INPP5A: variants seen among roughly 807,000 people sequenced by gnomAD.
INPP5A encodes the protein inositol polyphosphate-5-phosphatase A.
A neutral mutation model predicts 65.2 loss-of-function variants in INPP5A; 14 were observed. The observed-to-expected ratio is 0.21, with a 90% CI of 0.14 to 0.34. The LOEUF (loss-of-function observed/expected upper bound fraction) is 0.34, where lower values mean the gene tolerates loss of function less well. Among genes scored for constraint, INPP5A ranks in the 10% least tolerant of loss-of-function variants. The pLI, the probability that INPP5A is intolerant of heterozygous loss-of-function variation, is 1.00. For missense variants in INPP5A, 431 were observed against 545.6 expected (o/e 0.79, Z 2.09); for synonymous variants, 207 against 208.3 (o/e 0.99, Z 0.05).
chr10:132,700,265 G>A (rs745936202), intron 6 of INPP5A, among the ~76,000 whole-genome samples: 3 of 152,246 alleles, frequency 2.0e-5, no homozygotes, highest in African/African-American at 7.2e-5. Flanking sequence ...GGAAAGCAGC[G>A]TGTCGCTGTC....
At chr10:132,777,409 A>G (rs932887195) in intron 12 of INPP5A, among the ~76,000 whole-genome samples, 11 of 152,290 alleles carry the variant, frequency 7.2e-5, no homozygotes, top group African/African-American at 2.7e-4. Flanking sequence ...AAAGCTCAAC[A>G]GACAATTTCA....
rs1449404152 is a variant in INPP5A at position 132,782,113 on chromosome 10, G to T, written c.*84G>T. Reference sequence around the variant, plus strand: ...GTGGACCGAATACGCACTCTTGAAAGCTGCATCGAGAACCCGCCCAAGCGC... The same window carrying T: ...GTGGACCGAATACGCACTCTTGAAATCTGCATCGAGAACCCGCCCAAGCGC... On this transcript the variant is annotated 3_prime_UTR_variant, in exon 16 of 16. Transcript: ENST00000368594. This position sits in a 1 kb window ranked among gnomAD's most constrained non-coding sequence, Gnocchi z 4.4. 3.9e-6 allele frequency: 6 copies of T among 1,534,260 alleles called. No homozygotes were observed. Among genetic ancestry groups the T allele is most frequent in the Non-Finnish European group, 5.3e-6 (6 of 1,136,520 alleles).
At chr10:132,688,771 AAT>A (rs1315589228) in intron 4 of INPP5A, among the ~76,000 whole-genome samples, 1 of 149,800 alleles carries the variant, frequency 6.7e-6, no homozygotes, top group Non-Finnish European at 1.5e-5. Context: ...TGAGTGCACG[AAT>A]GAGTTCGTGT....
At chr10:132,593,023 T>G (rs1009475852) in intron 1 of INPP5A, among the ~76,000 whole-genome samples, 1 of 152,188 alleles carries the variant, frequency 6.6e-6, no homozygotes, top group African/African-American at 2.4e-5. Flanking sequence ...TCCCTGTGGT[T>G]GTAGGACTCA....
At position 132,650,206 on chromosome 10, in the gene INPP5A, G is replaced by C. The variant is rs2072555675; in HGVS notation, c.219-212G>C. On this transcript the variant is annotated intron_variant, in intron 3 of 15. Coordinates refer to ENST00000368594, the MANE Select transcript of INPP5A (RefSeq NM_005539.5). The surrounding 1 kb of genome is among the most constrained non-coding windows in gnomAD (Gnocchi z 5.5). ...ACAGGCTGCGTGGAGACCAGAGCCT[G>C]TGGGAGCTTGAGCTCTGCACATGCT... Among the ~76,000 whole-genome samples, 1 of 152,220 alleles carries C rather than the reference G, an allele frequency of 6.6e-6. No individual in the cohort carries two copies. The highest frequency in any genetic ancestry group is 1.5e-5 in the Non-Finnish European group (1 of 68,034).
In INPP5A at chr10:132,650,393, C is replaced by G. The variant is rs758446755; in HGVS notation, c.219-25C>G. 5 of 1,576,580 alleles carry G rather than the reference C, an allele frequency of 3.2e-6. No homozygotes were observed. In the East Asian group the frequency reaches 1.1e-4, roughly 35 times the overall value. ...GCAAGGCGTCTGTGTGGCTTTTCCT[C>G]AGGAACCTACTTTCTTCCTTCCAGA... On this transcript the variant is annotated intron_variant, in intron 3 of 15. Coordinates refer to ENST00000368594, the MANE Select transcript of INPP5A (RefSeq NM_005539.5). The surrounding 1 kb of genome is among the most constrained non-coding windows in gnomAD (Gnocchi z 5.5).
chr10:132,594,129 C>T (rs911391400), intron 1 of INPP5A, among the ~76,000 whole-genome samples: 9 of 152,180 alleles, frequency 5.9e-5, no homozygotes, highest in East Asian at 1.9e-4. Flanking sequence ...TTTGCACATA[C>T]GCTGTCTTCA....
intron 4 of INPP5A, among the ~76,000 whole-genome samples, chr10:132,683,666 G>A (rs2073081987): frequency 6.6e-6 from 1 of 152,194 alleles, no homozygotes; most frequent in African/African-American, 2.4e-5. Flanking sequence ...TCAAATAATT[G>A]GAAGTAGTCT....
chr10:132,654,890 C>T (rs2072633105), intron 4 of INPP5A, among the ~76,000 whole-genome samples: 2 of 152,256 alleles, frequency 1.3e-5, no homozygotes, highest in Admixed American at 6.5e-5. Flanking sequence ...TGCCCATTGC[C>T]ACCAGGAGAT....
rs1247975793 is a variant in INPP5A at position 132,704,091 on chromosome 10, C to T, written c.475-4222C>T. ...TTCTGAAGGCTTGGCCTGATCTCTG[C>T]TGCAGCATCTGGTTCCCAAAGCATG... On this transcript the variant is annotated intron_variant, in intron 6 of 15. Coordinates refer to ENST00000368594, the MANE Select transcript of INPP5A (RefSeq NM_005539.5). This position sits in a 1 kb window ranked among gnomAD's most constrained non-coding sequence, Gnocchi z 4.5. 6.6e-6 allele frequency among the ~76,000 whole-genome samples: 1 copy of T among 151,796 alleles called. No homozygotes were observed. The highest frequency in any genetic ancestry group is 2.0e-4 in the East Asian group (1 of 5,126).
intron 8 of INPP5A, among the ~76,000 whole-genome samples, chr10:132,714,196 G>A (rs1845698958): frequency 6.6e-6 from 1 of 152,206 alleles, no homozygotes; most frequent in Non-Finnish European, 1.5e-5. Flanking sequence ...TTGGGCTTTT[G>A]GGCCACTTTT....
At chr10:132,645,065 C>T (rs1204825809) in intron 2 of INPP5A, among the ~76,000 whole-genome samples, 1 of 152,238 alleles carries the variant, frequency 6.6e-6, no homozygotes, top group Non-Finnish European at 1.5e-5. Flanking sequence ...CCAGGTCACA[C>T]AGGAAGCCGC....
chr10:132,638,318 G>A (rs540806969), intron 2 of INPP5A, among the ~76,000 whole-genome samples: 82 of 152,230 alleles, frequency 5.4e-4, no homozygotes, highest in Non-Finnish European at 2.9e-4. Context: ...ACCCACGCTC[G>A]GATGTGCTGG....
intron 9 of INPP5A, among the ~76,000 whole-genome samples, chr10:132,736,547 C>A (rs1057051300): frequency 4.6e-5 from 7 of 152,188 alleles, no homozygotes; most frequent in Non-Finnish European, 1.0e-4. Context: ...CCGGGCTTCC[C>A]AAAACACGGC....
chr10:132,642,167 G>A (rs1316706385), intron 2 of INPP5A, among the ~76,000 whole-genome samples: 3 of 151,844 alleles, frequency 2.0e-5, no homozygotes, highest in East Asian at 1.9e-4. Flanking sequence ...CCTGGAGCCC[G>A]TCTGCGGTCT....
intron 1 of INPP5A, among the ~76,000 whole-genome samples, chr10:132,561,327 T>C (rs920867551): frequency 1.3e-5 from 2 of 152,152 alleles, no homozygotes; most frequent in Non-Finnish European, 2.9e-5. Context: ...TAGATTTTTA[T>C]AGTTTTAGCT....
chr10:132,565,742 C>T (rs1185917575), intron 1 of INPP5A, among the ~76,000 whole-genome samples: 7 of 140,876 alleles, frequency 5.0e-5, no homozygotes, highest in African/African-American at 1.6e-4. Context: ...TGTGTGTGTG[C>T]GCCGTTGTGT....
chr10:132,563,453 A>G (rs1424778209), intron 1 of INPP5A, among the ~76,000 whole-genome samples: 2 of 152,224 alleles, frequency 1.3e-5, no homozygotes, highest in African/African-American at 4.8e-5. Flanking sequence ...CAGCGCCGTC[A>G]TCTTCATGAG....
At chr10:132,606,240 C>T (rs552193299) in intron 1 of INPP5A, among the ~76,000 whole-genome samples, 5 of 151,574 alleles carry the variant, frequency 3.3e-5, no homozygotes, top group Admixed American at 6.6e-5. Flanking sequence ...TCCTCAGTGG[C>T]GGGACAGCGG....
Sources: gnomAD v4.1 joint callset for allele counts (sites outside exome capture counted in the v4.1 genomes callset) on GRCh38, gnomAD v4.1.1 for gene constraint, Gnocchi (gnomAD v3.1) non-coding constraint, MANE v1.5 for transcripts, NCBI Gene and HGNC (gene_info 2026-07-23, HGNC 2026-07-21) for gene names.